RIPOR3: variants seen among roughly 807,000 people sequenced by gnomAD.
RIPOR3 encodes family with sequence similarity 65 member C.
Under a neutral mutation model 114.3 loss-of-function variants are expected in RIPOR3, and 95 were observed. The ratio of observed to expected loss-of-function variants is 0.83; its 90% CI spans 0.70 to 0.99. The LOEUF is 0.99. Among genes scored for constraint, RIPOR3 ranks in the 50% least tolerant of loss-of-function variants. RIPOR3 has a pLI of 0.00. For synonymous variants in RIPOR3, 575 were observed against 543.8 expected, an observed-to-expected ratio of 1.06 and a Z score of -0.80; for missense variants, 1,252 against 1,266.9, an observed-to-expected ratio of 0.99 and a Z score of 0.18.
At chr20:50,588,414 G>A (rs2082993157) in intron 20 of RIPOR3, among the ~76,000 whole-genome samples, 1 of 152,240 alleles carries the variant, frequency 6.6e-6, no homozygotes, top group African/African-American at 2.4e-5. Flanking sequence ...ATGAATGGGA[G>A]TTCAATCTGT....
At chr20:50,638,253 T>A (rs2085059871) in intron 1 of RIPOR3, among the ~76,000 whole-genome samples, 2 of 152,168 alleles carry the variant, frequency 1.3e-5, no homozygotes, top group Admixed American at 1.3e-4. Flanking sequence ...AACAAGCAGC[T>A]CCTTGGGAAG....
chr20:50,608,388 C>A lies in RIPOR3; in HGVS notation c.956+1G>T. The A allele has an allele frequency of 6.2e-7, 1 of 1,613,906 alleles. No homozygotes were observed. Among genetic ancestry groups the A allele is most frequent in the Non-Finnish European group, 8.5e-7 (1 of 1,179,910 alleles). ...CTCTCCCCAGGCTGGACGGGACTCA[C>A]TTCCACTGCACCTCCAGCTGCAGCT... On this transcript the variant is annotated splice_donor_variant, in intron 11 of 21. Coordinates refer to ENST00000327979, the MANE Select transcript of RIPOR3 (RefSeq NM_001290268.2). LOFTEE classifies it high-confidence loss of function.
At chr20:50,658,201 C>T (rs1482939344) in intron 1 of RIPOR3, among the ~76,000 whole-genome samples, 2 of 152,114 alleles carry the variant, frequency 1.3e-5, no homozygotes. Context: ...ACCCAAATGT[C>T]CATTGACAGA....
chr20:50,661,419 C>G (rs1490831839), intron 1 of RIPOR3, among the ~76,000 whole-genome samples: 3 of 152,132 alleles, frequency 2.0e-5, no homozygotes, highest in Non-Finnish European at 4.4e-5. Context: ...TCTCCATAGC[C>G]TTGTGACACA....
At chr20:50,649,837 G>T (rs992559427) in intron 1 of RIPOR3, among the ~76,000 whole-genome samples, 2 of 152,188 alleles carry the variant, frequency 1.3e-5, no homozygotes, top group Non-Finnish European at 2.9e-5. Flanking sequence ...GGCTTCCAAT[G>T]GGGGCAGGGG....
chr20:50,642,586 C>T (rs1378038958), intron 1 of RIPOR3, among the ~76,000 whole-genome samples: 2 of 150,202 alleles, frequency 1.3e-5, no homozygotes, highest in Non-Finnish European at 3.0e-5. Flanking sequence ...GGGTATGTCT[C>T]CATCTCCCCC....
chr20:50,596,502 G>A (rs779906918), intron 14 of RIPOR3, among the ~76,000 whole-genome samples: 7 of 152,328 alleles, frequency 4.6e-5, no homozygotes, highest in South Asian at 2.1e-4. Context: ...AGGATGTCTC[G>A]TGGAGGTAGA....
At chr20:50,612,035 G>A (rs932260461) in intron 4 of RIPOR3, among the ~76,000 whole-genome samples, 18 of 150,854 alleles carry the variant, frequency 1.2e-4, no homozygotes, top group Non-Finnish European at 4.4e-5. Flanking sequence ...TGAGGCAGGA[G>A]AATCACTTGA....
At chr20:50,675,016 T>C (rs1185983578) in intron 1 of RIPOR3, among the ~76,000 whole-genome samples, 1 of 152,168 alleles carries the variant, frequency 6.6e-6, no homozygotes, top group Non-Finnish European at 1.5e-5. Context: ...AGTTTGAGGC[T>C]GCAGTGAGCT....
At chr20:50,639,606 A>G (rs1159341921) in intron 1 of RIPOR3, among the ~76,000 whole-genome samples, 3 of 151,978 alleles carry the variant, frequency 2.0e-5, no homozygotes, top group Non-Finnish European at 4.4e-5. Context: ...AGTGGCACTC[A>G]CCTGTAGTCC....
intron 13 of RIPOR3, among the ~76,000 whole-genome samples, chr20:50,599,995 G>C (rs2083440029): frequency 6.6e-6 from 1 of 151,980 alleles, no homozygotes; most frequent in Non-Finnish European, 1.5e-5. Flanking sequence ...CCGCCTCCCG[G>C]GTTCAAGTGA....
chr20:50,602,650 G>T lies in RIPOR3; in HGVS notation c.1087-6C>A. 1 of 1,462,956 alleles carries T rather than the reference G, an allele frequency of 6.8e-7. No homozygotes were observed. The highest frequency in any genetic ancestry group is 9.0e-7 in the Non-Finnish European group (1 of 1,105,014). The allele number at this position is 1,462,956 out of a possible 1,614,324, so 90.6% of individuals were successfully genotyped here. A position where few individuals can be genotyped will look rare whatever the true frequency, so the allele number is the denominator to read the frequency against. ...GTTGGCTGCTGTAGGACAGACTGGAGAGGGGACACGGGAGCGGCCTCACCA... is the reference window on the plus strand; with the variant it reads ...GTTGGCTGCTGTAGGACAGACTGGATAGGGGACACGGGAGCGGCCTCACCA... On this transcript the variant is annotated splice_polypyrimidine_tract_variant and splice_region_variant and intron_variant, in intron 12 of 21. Coordinates refer to ENST00000327979, the MANE Select transcript of RIPOR3 (RefSeq NM_001290268.2). This position sits in a 1 kb window ranked among gnomAD's most constrained non-coding sequence, Gnocchi z 4.3.
intron 1 of RIPOR3, among the ~76,000 whole-genome samples, chr20:50,639,941 C>A (rs1385708075): frequency 6.6e-6 from 1 of 151,960 alleles, no homozygotes. Flanking sequence ...CTGTGACAGC[C>A]TGGCACATCT....
intron 2 of RIPOR3, among the ~76,000 whole-genome samples, chr20:50,624,722 T>C (rs1040638593): frequency 4.6e-5 from 7 of 152,208 alleles, no homozygotes; most frequent in African/African-American, 1.7e-4. Context: ...GCCCCTGGCA[T>C]GCCAGACAAG....
intron 1 of RIPOR3, among the ~76,000 whole-genome samples, chr20:50,674,445 A>C (rs2086622874): frequency 6.6e-6 from 1 of 151,902 alleles, no homozygotes; most frequent in African/African-American, 2.4e-5. Flanking sequence ...TGCACTGAGC[A>C]AATTCCGTAG....
At chr20:50,624,490 C>T (rs767410964) in intron 2 of RIPOR3, among the ~76,000 whole-genome samples, 3 of 152,168 alleles carry the variant, frequency 2.0e-5, no homozygotes, top group Non-Finnish European at 4.4e-5. Flanking sequence ...CACCTGCTCC[C>T]GGGAAAGCTC....
At chr20:50,674,757 G>C (rs2086630583) in intron 1 of RIPOR3, among the ~76,000 whole-genome samples, 1 of 150,806 alleles carries the variant, frequency 6.6e-6, no homozygotes, top group East Asian at 1.9e-4. Flanking sequence ...GACCAGCCTG[G>C]ACAACATACT....
chr20:50,595,461 A>C lies in RIPOR3; in HGVS notation c.1958T>G (p.Leu653Arg), dbSNP rs1468429134. The C allele has an allele frequency of 6.2e-7, 1 of 1,613,994 alleles. No individual in the cohort carries two copies. Among genetic ancestry groups the C allele is most frequent in the African/African-American group, 1.3e-5 (1 of 74,916 alleles). ...CTTTTGCTGTGCCACTTCTTCCAGG[A>C]GGCATTCCTGGACCAGCCTTGATAA... Reference protein sequence around the residue: ...PNLSRLVQECLLEEVAQQKHV... With the variant: ...PNLSRLVQECRLEEVAQQKHV... The change falls in exon 16 of 22, where the codon CTC (leucine) becomes CGC (arginine). Residue 653 changes from leucine (L) to arginine (R), a missense_variant. Leu to Arg is a moderately radical substitution (Grantham distance 102). Coordinates refer to ENST00000327979, the MANE Select transcript of RIPOR3 (RefSeq NM_001290268.2).
chr20:50,613,006 T>C (rs1399899301), intron 4 of RIPOR3, among the ~76,000 whole-genome samples: 1 of 152,164 alleles, frequency 6.6e-6, no homozygotes, highest in East Asian at 1.9e-4. Flanking sequence ...GGTAAGAGGA[T>C]TGCTTGAGCC....
Sources: allele counts gnomAD v4.1 joint callset (sites outside exome capture counted in the v4.1 genomes callset), GRCh38; gene constraint gnomAD v4.1.1; non-coding constraint Gnocchi (gnomAD v3.1); transcripts MANE v1.5; gene names NCBI Gene and HGNC (gene_info 2026-07-23, HGNC 2026-07-21).